The following LTBP2 variants were observed in gnomAD, a reference collection of about 807,000 sequenced individuals.
The protein encoded by LTBP2 is latent-transforming growth factor beta-binding protein 2.
A neutral mutation model predicts 210.6 loss-of-function variants in LTBP2; 103 were observed. The ratio of observed to expected loss-of-function variants is 0.49; its 90% CI spans 0.42 to 0.58. LTBP2 has a LOEUF of 0.58. LTBP2 is among the 20% of genes least tolerant of loss of function. The probability of loss-of-function intolerance (pLI) is 0.00; values close to 1 mark genes in which losing one functional copy is unlikely to be tolerated. For missense variants in LTBP2, 2,313 were observed against 2,494.5 expected (o/e 0.93, Z 1.55); for synonymous variants, 1,007 against 1,015.0 (o/e 0.99, Z 0.15).
intron 8 of LTBP2, among the ~76,000 whole-genome samples, chr14:74,547,219 A>G (rs969036317): frequency 1.3e-5 from 2 of 152,202 alleles, no homozygotes; most frequent in Admixed American, 6.5e-5. Context: ...GTCTGTGGCC[A>G]CTAACATCAC....
At chr14:74,605,780 G>A (rs1331883775) in intron 1 of LTBP2, among the ~76,000 whole-genome samples, 1 of 152,178 alleles carries the variant, frequency 6.6e-6, no homozygotes, top group Admixed American at 6.5e-5. Context: ...CTGTGGGAGG[G>A]CAGGGGCCAA....
intron 17 of LTBP2, among the ~76,000 whole-genome samples, chr14:74,519,222 G>C (rs1490030029): frequency 6.6e-6 from 1 of 152,144 alleles, no homozygotes; most frequent in East Asian, 1.9e-4. Flanking sequence ...TCAAAATTAA[G>C]GATTTCTGTT....
chr14:74,517,722 C>T (rs2087154110), intron 17 of LTBP2, among the ~76,000 whole-genome samples: 1 of 152,142 alleles, frequency 6.6e-6, no homozygotes, highest in African/African-American at 2.4e-5. Flanking sequence ...ACCAAGCAGC[C>T]AGTGAGGGAT....
At chr14:74,511,744 A>G (rs2087074820) in intron 18 of LTBP2, among the ~76,000 whole-genome samples, 1 of 152,204 alleles carries the variant, frequency 6.6e-6, no homozygotes. Flanking sequence ...TGCTTGGCAC[A>G]GCAGCTAACT....
chr14:74,547,811 G>C (rs1242116140), intron 8 of LTBP2, among the ~76,000 whole-genome samples: 4 of 152,116 alleles, frequency 2.6e-5, no homozygotes, highest in African/African-American at 9.7e-5. Flanking sequence ...CCACTTGTCT[G>C]AATGAGCCAG....
intron 3 of LTBP2, among the ~76,000 whole-genome samples, chr14:74,568,416 G>T (rs568241533): frequency 1.3e-5 from 2 of 152,212 alleles, no homozygotes; most frequent in South Asian, 2.1e-4. Flanking sequence ...GCTTTCCAGA[G>T]GGTGGGAGAC....
chr14:74,540,926 T>TTTTATATATA (rs1252308704), intron 8 of LTBP2, among the ~76,000 whole-genome samples: 1 of 16,384 alleles, frequency 6.1e-5, no homozygotes, highest in African/African-American at 9.1e-5. Context: ...TATATATAGG[T>TTTTATATATA]TATATATATA....
In LTBP2 at chr14:74,529,467, C is replaced by G. The variant is rs572632716; in HGVS notation, c.1988-345G>C. On this transcript the variant is annotated intron_variant, in intron 10 of 35. Coordinates refer to ENST00000261978, the MANE Select transcript of LTBP2 (RefSeq NM_000428.3). ...GGCCCCACGTGTCCCTAGGGTTGAGCGGGCAGCAGTATGTCCTGAGGACCA... is the reference window on the plus strand; with the variant it reads ...GGCCCCACGTGTCCCTAGGGTTGAGGGGGCAGCAGTATGTCCTGAGGACCA... Among the ~76,000 whole-genome samples, 271 of 152,206 alleles carry G rather than the reference C, an allele frequency of 1.8e-3. 1 individual carries two copies. The highest frequency in any genetic ancestry group is 1.6e-3 in the Non-Finnish European group (107 of 68,010).
At chr14:74,585,038 T>G (rs967090032) in intron 3 of LTBP2, among the ~76,000 whole-genome samples, 1 of 152,132 alleles carries the variant, frequency 6.6e-6, no homozygotes, top group Admixed American at 6.5e-5. Flanking sequence ...ATGGAAAAAC[T>G]AACCTGAAAA....
intron 3 of LTBP2, among the ~76,000 whole-genome samples, chr14:74,580,050 T>G (rs1410989154): frequency 1.3e-5 from 2 of 152,228 alleles, no homozygotes; most frequent in Non-Finnish European, 2.9e-5. Flanking sequence ...ATCTGACGCT[T>G]TCTTGGGGTA....
chr14:74,503,573 T>G lies in LTBP2; in HGVS notation c.4616A>C (p.Asn1539Thr). The G allele has an allele frequency of 6.2e-7, 1 of 1,613,918 alleles. No homozygotes were observed. Among genetic ancestry groups the G allele is most frequent in the Non-Finnish European group, 8.5e-7 (1 of 1,180,022 alleles). ...GCCCTCCGTGTTGACGCACTCGCCA[T>G]TCTCACAGGCCAGGTCCTGGCACTC... is the stretch of plus-strand genomic sequence containing the variant. ...HDECQDLACE[N>T]GECVNTEGSF... The change falls in exon 32 of 36, where the codon AAT (asparagine) becomes ACT (threonine). Residue 1539 changes from asparagine to threonine, a missense_variant. This residue lies in a region of LTBP2 where 443 missense variants were observed against 501.4 expected (regional missense o/e 0.88). Coordinates refer to ENST00000261978, the MANE Select transcript of LTBP2 (RefSeq NM_000428.3).
At chr14:74,522,665 A>T in intron 16 of LTBP2, 125 bp downstream of exon 16, 1 of 1,199,746 alleles carries the variant, frequency 8.3e-7, no homozygotes, top group Non-Finnish European at 1.1e-6. Context: ...TGCTCCTCCT[A>T]AACTCATCAA....
intron 8 of LTBP2, among the ~76,000 whole-genome samples, chr14:74,541,081 C>T (rs755590465): frequency 6.2e-4 from 93 of 150,528 alleles, no homozygotes; most frequent in South Asian, 1.0e-3. Context: ...CACCTGTCAC[C>T]GTCCCTGCCA....
rs140129517 is a variant in LTBP2, at chr14:74,543,915, G to A, written c.1789+5948C>T. 8.5e-4 allele frequency among the ~76,000 whole-genome samples: 130 copies of A among 152,292 alleles called. 1 individual carries two copies. Among genetic ancestry groups the A allele is most frequent in the African/African-American group, 3.0e-3 (124 of 41,548 alleles). On this transcript the variant is annotated intron_variant, in intron 8 of 35. Transcript: ENST00000261978. ...CAAAGTCACCACAAACAGTGAGGTC[G>A]AAAAAGAGTCTGGTCAGACCCCTGG...
At chr14:74,582,984 G>A (rs1236093559) in intron 3 of LTBP2, among the ~76,000 whole-genome samples, 1 of 152,178 alleles carries the variant, frequency 6.6e-6, no homozygotes, top group East Asian at 1.9e-4. Flanking sequence ...ACTCTGCCCA[G>A]CCTTGGGGAA....
intron 9 of LTBP2, among the ~76,000 whole-genome samples, 170 bp downstream of exon 9, chr14:74,535,756 C>A (rs1443090439): frequency 1.3e-5 from 2 of 152,086 alleles, no homozygotes; most frequent in Non-Finnish European, 2.9e-5. Flanking sequence ...TCAAGCAAGT[C>A]CCTGGATTTC....
chr14:74,544,434 G>T (rs1190774947), intron 8 of LTBP2, among the ~76,000 whole-genome samples: 1 of 152,198 alleles, frequency 6.6e-6, no homozygotes. Context: ...TTGTTAGGAT[G>T]CAAGAAAATG....
At chr14:74,503,671 G>T in intron 31 of LTBP2, 65 bp from the exon 32 acceptor site, 1 of 1,598,800 alleles carries the variant, frequency 6.3e-7, no homozygotes, top group Non-Finnish European at 8.5e-7. Context: ...CCTCAGGGAA[G>T]GGTGTTTGCC....
chr14:74,582,003 C>T (rs2139783778), intron 3 of LTBP2, among the ~76,000 whole-genome samples: 1 of 151,876 alleles, frequency 6.6e-6, no homozygotes, highest in East Asian at 1.9e-4. Context: ...TGTGACAAAG[C>T]CTGCCTAGGG....
Sources: allele counts gnomAD v4.1 joint callset (sites outside exome capture counted in the v4.1 genomes callset), GRCh38; gene constraint gnomAD v4.1.1; regional missense constraint gnomAD v4.1.1; transcripts MANE v1.5; gene names NCBI Gene and HGNC (gene_info 2026-07-23, HGNC 2026-07-21).